Variants in HCN1 observed in about 807,000 individuals in gnomAD.
HCN1 encodes the protein hyperpolarization activated cyclic nucleotide gated potassium channel 1, also known as potassium/sodium hyperpolarization-activated cyclic nucleotide-gated channel 1.
A neutral mutation model predicts 78.9 loss-of-function variants in HCN1; 13 were observed. That is an observed-to-expected ratio of 0.16 (90% CI 0.11 to 0.26). HCN1 has a LOEUF of 0.26. Ranked by LOEUF, HCN1 falls within the 10% of genes least tolerant of loss-of-function variation. The probability of loss-of-function intolerance (pLI) is 1.00; values close to 1 mark genes in which losing one functional copy is unlikely to be tolerated. For synonymous variants in HCN1, 552 were observed against 455.5 expected (o/e 1.21, Z -2.70); for missense variants, 810 against 1,154.3 (o/e 0.70, Z 4.32).
intron 3 of HCN1, among the ~76,000 whole-genome samples, chr5:45,459,650 T>C (rs1407685789): frequency 6.6e-6 from 1 of 152,168 alleles, no homozygotes; most frequent in Non-Finnish European, 1.5e-5. Context: ...CTTATAATTA[T>C]ACTACCATAT....
chr5:45,691,954 C>G (rs1231328322), intron 1 of HCN1, among the ~76,000 whole-genome samples: 1 of 152,022 alleles, frequency 6.6e-6, no homozygotes, highest in Non-Finnish European at 1.5e-5. Flanking sequence ...CACACTCATA[C>G]TAATGATGAA....
chr5:45,267,209 C>T lies in HCN1; in HGVS notation c.1663G>A (p.Ala555Thr). ...TKGRRTASVR[A>T]DTYCRLYSLS... is the part of the protein sequence containing the mutation. ...GAGTAAAGACGACAATATGTATCAG[C>T]TCGAACACTGGCAGTACGACGTCCT... Residue 555 changes from alanine (A) to threonine (T), a missense_variant, in exon 7 of 8, where the codon GCT becomes ACT. Ala to Thr is a moderately conservative substitution (Grantham distance 58, BLOSUM62 0). Transcript: ENST00000303230. 1 of 1,614,016 alleles carries T rather than the reference C, an allele frequency of 6.2e-7. No individual in the cohort carries two copies. The highest frequency in any genetic ancestry group is 8.5e-7 in the Non-Finnish European group (1 of 1,179,978).
intron 2 of HCN1, among the ~76,000 whole-genome samples, chr5:45,538,425 T>G (rs1743013898): frequency 6.6e-6 from 1 of 152,170 alleles, no homozygotes. Flanking sequence ...CTACGTACAT[T>G]ACTATTTATT....
At chr5:45,626,588 C>A (rs1371795616) in intron 2 of HCN1, among the ~76,000 whole-genome samples, 2 of 152,108 alleles carry the variant, frequency 1.3e-5, no homozygotes, top group Non-Finnish European at 2.9e-5. Context: ...CAGGAAATAT[C>A]TATTTGTGAA....
At chr5:45,424,303 A>T (rs533547533) in intron 3 of HCN1, among the ~76,000 whole-genome samples, 104 of 152,058 alleles carry the variant, frequency 6.8e-4, no homozygotes, top group Non-Finnish European at 1.1e-3. Context: ...AAACAAACAA[A>T]CAAACAAAAA....
intron 2 of HCN1, among the ~76,000 whole-genome samples, chr5:45,582,852 G>A (rs532878296): frequency 6.6e-5 from 10 of 152,304 alleles, no homozygotes; most frequent in African/African-American, 2.2e-4. Context: ...AACCAGCTTT[G>A]CATCCCAGGG....
intron 5 of HCN1, among the ~76,000 whole-genome samples, chr5:45,312,894 G>A (rs991954123): frequency 5.3e-4 from 80 of 152,286 alleles, no homozygotes; most frequent in African/African-American, 3.6e-4. Context: ...GGAGCCCCTC[G>A]CAGCTCAAGG....
At chr5:45,469,489 C>G (rs1013758700) in intron 2 of HCN1, among the ~76,000 whole-genome samples, 1 of 151,952 alleles carries the variant, frequency 6.6e-6, no homozygotes, top group African/African-American at 2.4e-5. Context: ...CAACCACTGA[C>G]ATATTTAAAT....
At chr5:45,548,382 T>C (rs1439382590) in intron 2 of HCN1, among the ~76,000 whole-genome samples, 1 of 151,958 alleles carries the variant, frequency 6.6e-6, no homozygotes, top group African/African-American at 2.4e-5. Context: ...TAAGAGATGA[T>C]ATAAGAGTTT....
chr5:45,299,708 T>C lies in HCN1; in HGVS notation c.1618+3891A>G, dbSNP rs138475200. Among the ~76,000 whole-genome samples, 13 of 152,130 alleles carry C rather than the reference T, an allele frequency of 8.5e-5. No homozygotes were observed. The East Asian group carries it at 2.5e-3, about 30-fold the overall frequency. ...GGGAATCAAACACAAGTGGCTTTAT[T>C]TGTGAAGCCTAACAAATATTCAAAT... On this transcript the variant is annotated intron_variant, in intron 6 of 7. Transcript: ENST00000303230.
At chr5:45,414,117 C>T (rs1740074516) in intron 3 of HCN1, among the ~76,000 whole-genome samples, 1 of 151,926 alleles carries the variant, frequency 6.6e-6, no homozygotes, top group Admixed American at 6.6e-5. Flanking sequence ...CCAATATTAG[C>T]CTATCATAAC....
rs2111837631 is a variant in HCN1, at chr5:45,261,745, T to C, written c.*176A>G. 1.6e-6 allele frequency: 1 copy of C among 624,388 alleles called. No homozygotes were observed. Among genetic ancestry groups the C allele is most frequent in the East Asian group, 3.1e-5 (1 of 32,386 alleles). 38.7% of individuals were successfully genotyped at this position (624,388 alleles called of 1,614,324 possible). A position where few individuals can be genotyped will look rare whatever the true frequency, so the allele number is the denominator to read the frequency against. On this transcript the variant is annotated 3_prime_UTR_variant, in exon 8 of 8. Transcript: ENST00000303230. ...TTTGACCCTCTCTTGGGAATTTAGATATATATTTTATAGTATATGTATATA... is the reference window on the plus strand; with the variant it reads ...TTTGACCCTCTCTTGGGAATTTAGACATATATTTTATAGTATATGTATATA...
intron 1 of HCN1, among the ~76,000 whole-genome samples, chr5:45,653,938 T>A (rs543138145): frequency 6.6e-6 from 1 of 151,962 alleles, no homozygotes. Context: ...AATAAATAAA[T>A]AAATATAATC....
intron 2 of HCN1, among the ~76,000 whole-genome samples, chr5:45,504,039 C>A (rs1742242660): frequency 6.6e-6 from 1 of 152,016 alleles, no homozygotes; most frequent in African/African-American, 2.4e-5. Flanking sequence ...ACCCACCCAG[C>A]CTCCAAAAGT....
intron 5 of HCN1, among the ~76,000 whole-genome samples, chr5:45,330,635 CAAT>C (rs1746325930): frequency 6.6e-6 from 1 of 150,654 alleles, no homozygotes; most frequent in South Asian, 2.1e-4. Flanking sequence ...AATAGACAAA[CAAT>C]AATGTATCAT....
chr5:45,375,266 T>G (rs1329312490), intron 4 of HCN1, among the ~76,000 whole-genome samples: 2 of 118,216 alleles, frequency 1.7e-5, no homozygotes, highest in African/African-American at 6.8e-5. Flanking sequence ...TAATATTTTA[T>G]AATATATAAT....
At chr5:45,521,190 A>G (rs1742606901) in intron 2 of HCN1, among the ~76,000 whole-genome samples, 1 of 151,870 alleles carries the variant, frequency 6.6e-6, no homozygotes, top group Non-Finnish European at 1.5e-5. Context: ...GAGTGAAACC[A>G]ACCCTCTTTG....
chr5:45,512,329 G>C (rs1742432475), intron 2 of HCN1, among the ~76,000 whole-genome samples: 1 of 152,032 alleles, frequency 6.6e-6, no homozygotes. Context: ...GAAGTCTAAA[G>C]TGCTAAAAAA....
chr5:45,278,168 C>A (rs1745101169), intron 6 of HCN1, among the ~76,000 whole-genome samples: 1 of 152,034 alleles, frequency 6.6e-6, no homozygotes, highest in African/African-American at 2.4e-5. Context: ...TCTTTCAGGT[C>A]CAGAAGTTCA....
Sources: gnomAD v4.1 joint callset for allele counts (sites outside exome capture counted in the v4.1 genomes callset) on GRCh38, gnomAD v4.1.1 for gene constraint, MANE v1.5 for transcripts, NCBI Gene and HGNC (gene_info 2026-07-23, HGNC 2026-07-21) for gene names.